FMO4: variants seen among roughly 807,000 people sequenced by gnomAD.
The protein encoded by FMO4 is flavin containing dimethylaniline monoxygenase 4.
FMO4 carries 38 observed loss-of-function variants against 43.3 expected under a neutral mutation model. That is an observed-to-expected ratio of 0.88 (90% CI 0.68 to 1.15). FMO4 has a LOEUF of 1.15. FMO4 is among the 50% of genes most tolerant of loss of function. The pLI is 0.00. For synonymous variants in FMO4, 224 were observed against 232.2 expected (o/e 0.96, Z 0.32); for missense variants, 631 against 663.3 (o/e 0.95, Z 0.54).
At chr1:171,331,837 A>G in intron 6 of FMO4, 55 bp downstream of exon 6, 1 of 1,530,610 alleles carries the variant, frequency 6.5e-7, no homozygotes, top group Non-Finnish European at 9.0e-7. Context: ...TGATGGCTGG[A>G]AAGAGATATT....
chr1:171,320,924 A>G (rs190161269), intron 3 of FMO4, among the ~76,000 whole-genome samples: 2 of 152,314 alleles, frequency 1.3e-5, no homozygotes, highest in African/African-American at 4.8e-5. Flanking sequence ...GGCGTGAGAG[A>G]GAAGCCTTCA....
At chr1:171,332,009 GAA>G (rs1662921897) in intron 6 of FMO4, among the ~76,000 whole-genome samples, 4 of 152,112 alleles carry the variant, frequency 2.6e-5, no homozygotes, top group Admixed American at 1.3e-4. Context: ...AAGGGTCTAG[GAA>G]AATTGTGTGG....
chr1:171,322,877 T>C, intron 3 of FMO4, 127 bp from the exon 4 acceptor site: 1 of 665,376 alleles, frequency 1.5e-6, no homozygotes. Flanking sequence ...TAAAAGTAAA[T>C]AAAATTACAA....
intron 9 of FMO4, among the ~76,000 whole-genome samples, chr1:171,339,535 C>A (rs972027318): frequency 1.3e-5 from 2 of 152,126 alleles, no homozygotes; most frequent in Non-Finnish European, 2.9e-5. Context: ...CCGTGCCAAT[C>A]GAGCTGTTGC....
At chr1:171,329,869 T>C (rs539527183) in intron 5 of FMO4, among the ~76,000 whole-genome samples, 3 of 152,360 alleles carry the variant, frequency 2.0e-5, no homozygotes, top group African/African-American at 2.4e-5. Flanking sequence ...GCGGGAACTA[T>C]TGTTTACTGT....
At chr1:171,336,260 A>G (rs557809403) in intron 8 of FMO4, among the ~76,000 whole-genome samples, 1 of 152,224 alleles carries the variant, frequency 6.6e-6, no homozygotes, top group African/African-American at 2.4e-5. Context: ...GGATAGGGAC[A>G]GTGAAGGGGC....
rs150872836 is a variant in FMO4, at chr1:171,325,673, A to G, written c.484+1373A>G. ...AACTGTACAGTACTAAAGGAATATA[A>G]AAACACCTCTTATGACATTTTCTAT... On this transcript the variant is annotated intron_variant, in intron 5 of 9. Transcript: ENST00000367749. Among the ~76,000 whole-genome samples the G allele has an allele frequency of 4.4e-4, 67 of 152,094 alleles. 2 individuals carry two copies. The East Asian group carries it at 0.01, about 24-fold the overall frequency.
chr1:171,317,172 A>T (rs1662229967), intron 2 of FMO4, among the ~76,000 whole-genome samples: 1 of 152,140 alleles, frequency 6.6e-6, no homozygotes. Context: ...AAGTTGTTTC[A>T]AATGATTATG....
At chr1:171,327,652 T>A (rs541759667) in intron 5 of FMO4, among the ~76,000 whole-genome samples, 9 of 152,276 alleles carry the variant, frequency 5.9e-5, no homozygotes, top group African/African-American at 2.2e-4. Flanking sequence ...TGGTGGCTCA[T>A]GCCTATAATC....
At chr1:171,329,953 A>T (rs1378873092) in intron 5 of FMO4, among the ~76,000 whole-genome samples, 1 of 152,188 alleles carries the variant, frequency 6.6e-6, no homozygotes, top group Non-Finnish European at 1.5e-5. Context: ...CTTGCCCAGG[A>T]TGTTCAGCGT....
At chr1:171,319,474 A>C (rs1662318246) in intron 2 of FMO4, among the ~76,000 whole-genome samples, 1 of 152,168 alleles carries the variant, frequency 6.6e-6, no homozygotes, top group African/African-American at 2.4e-5. Context: ...GTAGGTTTCC[A>C]GGCTTGAGGG....
chr1:171,331,281 T>C (rs1273551596), intron 5 of FMO4, among the ~76,000 whole-genome samples: 1 of 152,212 alleles, frequency 6.6e-6, no homozygotes, highest in Admixed American at 6.5e-5. Context: ...GATATAATAC[T>C]TAATGTAGAT....
Position 171,334,545 on chromosome 1 carries a change from T to C in FMO4, c.962T>C (p.Ile321Thr), listed in dbSNP as rs1244791411. Residue 321 changes from isoleucine to threonine, a missense_variant, in exon 8 of 10, where the codon ATT becomes ACT. Physicochemically the swap from Ile to Thr is moderately conservative, Grantham distance 89. Transcript: ENST00000367749. Reference sequence around the variant, plus strand: ...GAAGATGGGACAGTGGAAGAAAACATTGATGTTGTGATCTTCACTACAGGA... The same window carrying C: ...GAAGATGGGACAGTGGAAGAAAACACTGATGTTGTGATCTTCACTACAGGA... Reference protein sequence around the residue: ...VFEDGTVEENIDVVIFTTGYT... With the variant: ...VFEDGTVEENTDVVIFTTGYT... 5.0e-6 allele frequency: 8 copies of C among 1,613,438 alleles called. No homozygotes were observed. The African/African-American group carries it at 6.7e-5, about 13-fold the overall frequency.
intron 1 of FMO4, 85 bp from the exon 2 acceptor site, chr1:171,316,101 A>G (rs913955724): frequency 5.9e-5 from 9 of 152,106 alleles, no homozygotes; most frequent in African/African-American, 1.9e-4. Flanking sequence ...GAATGAATTA[A>G]TTTGCTTCCA....
chr1:171,315,958 C>T (rs1346395862), intron 1 of FMO4, among the ~76,000 whole-genome samples: 1 of 152,130 alleles, frequency 6.6e-6, no homozygotes, highest in African/African-American at 2.4e-5. Context: ...TATACAACAT[C>T]TTAAGAGCAG....
At position 171,324,143 on chromosome 1, in the gene FMO4, T is replaced by C. The variant is rs1429489153; in HGVS notation, c.327T>C (p.Thr109=). The part of the protein sequence containing the change: ...DLLKYIQFKT[T]VCSITKRPDF... ...TGTTTGTCTTTCACTTTTAGACCAC[T>C]GTGTGCAGCATAACGAAGCGTCCAG... is the stretch of plus-strand genomic sequence containing the variant. The change falls in exon 5 of 10, where the codon ACT becomes ACC. Residue 109 remains threonine, a synonymous_variant. Transcript: ENST00000367749. 2 of 1,610,286 alleles carry C rather than the reference T, an allele frequency of 1.2e-6. No individual in the cohort carries two copies. Among genetic ancestry groups the C allele is most frequent in the Admixed American group, 1.7e-5 (1 of 59,216 alleles).
At chr1:171,317,729 G>T (rs1662253467) in intron 2 of FMO4, among the ~76,000 whole-genome samples, 1 of 152,116 alleles carries the variant, frequency 6.6e-6, no homozygotes, top group Admixed American at 6.6e-5. Context: ...GTTCCTTGGG[G>T]ACTTTATTTT....
At chr1:171,331,804 G>A (rs1326742114) in intron 6 of FMO4, 22 bp downstream of exon 6, 17 of 1,610,466 alleles carry the variant, frequency 1.1e-5, no homozygotes, top group African/African-American at 4.0e-5. Context: ...CTGAATTAAT[G>A]CCCCTAATCC....
In FMO4 at chr1:171,316,283, G is replaced by A. The variant is rs1236312409; in HGVS notation, c.-53G>A. ...GGTGGAGGCCATTTGTTTCTGATTA[G>A]AAGCTGTCTAAACCTCCTACTCCTC... On this transcript the variant is annotated 5_prime_UTR_variant, in exon 2 of 10. Coordinates refer to ENST00000367749, the MANE Select transcript of FMO4 (RefSeq NM_002022.3). 6.6e-6 allele frequency: 1 copy of A among 152,126 alleles called. No individual in the cohort carries two copies. Among genetic ancestry groups the A allele is most frequent in the Non-Finnish European group, 1.5e-5 (1 of 68,044 alleles). 9.4% of individuals were successfully genotyped at this position (152,126 alleles called of 1,614,324 possible). A position where few individuals can be genotyped will look rare whatever the true frequency, so the allele number is the denominator to read the frequency against.
Sources: allele counts gnomAD v4.1 joint callset (sites outside exome capture counted in the v4.1 genomes callset), GRCh38; gene constraint gnomAD v4.1.1; transcripts MANE v1.5; gene names NCBI Gene and HGNC (gene_info 2026-07-23, HGNC 2026-07-21).